Variants in EXPH5 observed in about 807,000 individuals in gnomAD.
The protein encoded by EXPH5 is exophilin 5.
In EXPH5, 42 loss-of-function variants were observed where a neutral mutation model predicts 41.1. The observed-to-expected ratio is 1.02, with a 90% confidence interval of 0.80 to 1.32. The LOEUF (loss-of-function observed/expected upper bound fraction) is 1.32. EXPH5 is among the 40% of genes most tolerant of loss of function. The probability of loss-of-function intolerance (pLI) is 0.00; values close to 1 mark genes in which losing one functional copy is unlikely to be tolerated. For missense variants in EXPH5, 2,298 were observed against 2,314.5 expected (o/e 0.99, Z 0.15); for synonymous variants, 798 against 833.5 (o/e 0.96, Z 0.73).
chr11:108,587,980 T>C (rs1360072110), intron 1 of EXPH5, among the ~76,000 whole-genome samples: 1 of 152,170 alleles, frequency 6.6e-6, no homozygotes, highest in Admixed American at 6.5e-5. Flanking sequence ...CTCAAACTCC[T>C]GACCTCAGGC....
intron 3 of EXPH5, among the ~76,000 whole-genome samples, chr11:108,534,885 A>G (rs1327500696): frequency 1.3e-5 from 2 of 152,210 alleles, no homozygotes; most frequent in African/African-American, 4.8e-5. Context: ...TGCAGGTGGC[A>G]CATCCTAAAG....
intron 3 of EXPH5, among the ~76,000 whole-genome samples, chr11:108,533,213 T>A (rs949553477): frequency 9.2e-5 from 14 of 152,216 alleles, no homozygotes; most frequent in Middle Eastern, 3.4e-3. Context: ...CATTCTATTT[T>A]TTTTTTTGGA....
intron 1 of EXPH5, among the ~76,000 whole-genome samples, chr11:108,582,897 A>G (rs1027597613): frequency 6.6e-6 from 1 of 152,182 alleles, no homozygotes; most frequent in African/African-American, 2.4e-5. Context: ...TAAGGACATC[A>G]TTAATATTAG....
At chr11:108,534,763 A>G (rs1407135884) in intron 3 of EXPH5, among the ~76,000 whole-genome samples, 2 of 152,222 alleles carry the variant, frequency 1.3e-5, no homozygotes, top group African/African-American at 4.8e-5. Context: ...CTATGCAGCT[A>G]GGCCACATGG....
In EXPH5 at chr11:108,511,834, T is replaced by C; in HGVS notation, c.3673A>G (p.Thr1225Ala). ...SDLSGKERGK[T>A]LHKVKTTSTF... ...CTAGTCGTCTTAACTTTATGTAATG[T>C]TTTCCCACGTTCTTTTCCTGACAAG... The change falls in exon 6 of 6, where the codon ACA becomes GCA. Residue 1225 changes from threonine to alanine, a missense_variant. Transcript: ENST00000265843. The C allele has an allele frequency of 6.3e-7, 1 of 1,593,548 alleles. No homozygotes were observed. The highest frequency in any genetic ancestry group is 8.5e-7 in the Non-Finnish European group (1 of 1,174,242).
At chr11:108,583,383 T>TA (rs1312369953) in intron 1 of EXPH5, among the ~76,000 whole-genome samples, 1 of 148,766 alleles carries the variant, frequency 6.7e-6, no homozygotes, top group African/African-American at 2.5e-5. Flanking sequence ...AAAAAAAAAA[T>TA]AAAAAAAAAA....
At chr11:108,596,901 GT>G (rs34309161), upstream of EXPH5, among the ~76,000 whole-genome samples, 110,906 of 152,128 alleles carry the variant, frequency 0.73, 43,410 homozygotes, top group Non-Finnish European at 0.87. Flanking sequence ...TTCTCCAAAG[GT>G]TTGTTTTATG....
upstream of EXPH5, among the ~76,000 whole-genome samples, chr11:108,596,051 A>C (rs36118905): frequency 0.058 from 8,901 of 152,160 alleles, 347 homozygotes; most frequent in Middle Eastern, 0.085. Flanking sequence ...AATACAAAAA[A>C]TTAGCCCAGC....
the EXPH5 span, among the ~76,000 whole-genome samples, chr11:108,607,519 G>A: frequency 6.6e-6 from 1 of 152,174 alleles, no homozygotes. Context: ...GACTGGCATG[G>A]TGGCTCTACG....
intron 1 of EXPH5, among the ~76,000 whole-genome samples, chr11:108,557,726 C>T (rs1210079593): frequency 6.6e-6 from 1 of 152,180 alleles, no homozygotes; most frequent in Non-Finnish European, 1.5e-5. Context: ...TTGATTATAT[C>T]TCTTGTAGCC....
chr11:108,595,723 A>C (rs1329177211), upstream of EXPH5, among the ~76,000 whole-genome samples: 1 of 152,216 alleles, frequency 6.6e-6, no homozygotes, highest in East Asian at 1.9e-4. Context: ...AAAAGTTCTA[A>C]AAAGGTGCAT....
At chr11:108,566,395 A>C (rs2094034782) in intron 1 of EXPH5, among the ~76,000 whole-genome samples, 2 of 152,204 alleles carry the variant, frequency 1.3e-5, no homozygotes, top group Non-Finnish European at 2.9e-5. Context: ...TTTCATAGGC[A>C]GACTTTCCTT....
chr11:108,568,181 G>GGGC (rs1555198219), intron 1 of EXPH5: 1 of 149,524 alleles, frequency 6.7e-6, no homozygotes, highest in Non-Finnish European at 1.5e-5. Context: ...TTTTTGGGAG[G>GGGC]GGGGGAGGGC....
At chr11:108,538,658 G>A (rs985913969) in intron 3 of EXPH5, among the ~76,000 whole-genome samples, 2 of 152,118 alleles carry the variant, frequency 1.3e-5, no homozygotes, top group Non-Finnish European at 2.9e-5. Context: ...ACGTGACCAG[G>A]ACACATACTC....
At chr11:108,534,065 G>A (rs1042852758) in intron 3 of EXPH5, among the ~76,000 whole-genome samples, 6 of 152,174 alleles carry the variant, frequency 3.9e-5, no homozygotes, top group African/African-American at 1.4e-4. Context: ...AAAGTGTTGA[G>A]ATTACAGGCG....
At chr11:108,539,316 A>C in intron 2 of EXPH5, 130 bp from the exon 3 acceptor site, 1 of 622,234 alleles carries the variant, frequency 1.6e-6, no homozygotes. Context: ...GCAACCTCAC[A>C]TGAAGACCTC....
At chr11:108,606,453 A>T in the EXPH5 span, among the ~76,000 whole-genome samples, 3 of 152,154 alleles carry the variant, frequency 2.0e-5, no homozygotes, top group African/African-American at 7.2e-5. Context: ...TACCTGCTCC[A>T]ACCCACCTGC....
chr11:108,537,979 T>C, intron 3 of EXPH5: 1 of 985,458 alleles, frequency 1.0e-6, no homozygotes, highest in Non-Finnish European at 1.2e-6. Context: ...GAAGAGTATT[T>C]CCTTGCTAGT....
rs188602368 is a variant in EXPH5, at chr11:108,543,101, T to C, written c.120-1289A>G. Among the ~76,000 whole-genome samples the C allele has an allele frequency of 6.8e-4, 104 of 152,186 alleles. 1 individual carries two copies. The highest frequency in any genetic ancestry group is 2.4e-3 in the African/African-American group (101 of 41,520). ...AGTGAGCCCAGGTCTAATGCAAAGGTAGTAAGGGATGGGGTAATTTGAGAC... is the reference window on the plus strand; with the variant it reads ...AGTGAGCCCAGGTCTAATGCAAAGGCAGTAAGGGATGGGGTAATTTGAGAC... On this transcript the variant is annotated intron_variant, in intron 1 of 5. Transcript: ENST00000265843.
Sources: gnomAD v4.1 joint callset for allele counts (sites outside exome capture counted in the v4.1 genomes callset) on GRCh38, gnomAD v4.1.1 for gene constraint, MANE v1.5 for transcripts, NCBI Gene and HGNC (gene_info 2026-07-23, HGNC 2026-07-21) for gene names.